Variants in BCO1 observed in about 807,000 individuals in gnomAD.
BCO1 encodes beta,beta-carotene 15,15'-dioxygenase.
BCO1 carries 54 observed loss-of-function variants against 56.3 expected under a neutral mutation model. The ratio of observed to expected loss-of-function variants is 0.96; its 90% confidence interval spans 0.77 to 1.20. The LOEUF is 1.20. Ranked by LOEUF, BCO1 falls within the 50% of genes most tolerant of loss-of-function variation. The probability of loss-of-function intolerance (pLI) is 0.00; values close to 1 mark genes in which losing one functional copy is unlikely to be tolerated. For missense variants in BCO1, 801 were observed against 690.9 expected (o/e 1.16, Z -1.79); for synonymous variants, 318 against 266.1 (o/e 1.20, Z -1.90).
At chr16:81,245,849 CTTTTTTTTTTTTT>C (rs1176582576) in intron 2 of BCO1, among the ~76,000 whole-genome samples, 37 of 93,368 alleles carry the variant, frequency 4.0e-4, no homozygotes, top group African/African-American at 4.9e-4. Flanking sequence ...CCATCTCTGT[CTTTTTTTTTTTTT>C]TTTTTTTTTT....
chr16:81,240,754 A>G (rs980211903), intron 1 of BCO1, among the ~76,000 whole-genome samples: 4 of 152,004 alleles, frequency 2.6e-5, no homozygotes, highest in African/African-American at 4.8e-5. Flanking sequence ...CCAACCTGGT[A>G]TGGTGAAACA....
chr16:81,290,610 C>T lies in BCO1; in HGVS notation c.*33C>T, dbSNP rs761030958. 7.8e-5 allele frequency: 120 copies of T among 1,542,068 alleles called. No homozygotes were observed. Among genetic ancestry groups the T allele is most frequent in the Non-Finnish European group, 1.0e-4 (115 of 1,122,038 alleles). ...GGGGTTTGGGTAGGGGAGGGGAGCTCGGCTGTCAGAACTCCATGGATATGT... is the reference window on the plus strand; with the variant it reads ...GGGGTTTGGGTAGGGGAGGGGAGCTTGGCTGTCAGAACTCCATGGATATGT... On this transcript the variant is annotated 3_prime_UTR_variant, in exon 11 of 11. Transcript: ENST00000258168.
chr16:81,281,623 G>A (rs1259285613), intron 8 of BCO1, among the ~76,000 whole-genome samples: 3 of 152,178 alleles, frequency 2.0e-5, no homozygotes, highest in Non-Finnish European at 2.9e-5. Context: ...GTAATATAGC[G>A]AAGAAAACTA....
At chr16:81,268,190 T>C (rs1906955064) in intron 6 of BCO1, 59 bp downstream of exon 6, 2 of 1,496,260 alleles carry the variant, frequency 1.3e-6, no homozygotes, top group Admixed American at 3.4e-5. Flanking sequence ...GGGAGGCTGG[T>C]GTGCAGGAGG....
chr16:81,272,145 G>A (rs1349365270), intron 7 of BCO1, among the ~76,000 whole-genome samples: 7 of 129,554 alleles, frequency 5.4e-5, no homozygotes, highest in Admixed American at 2.7e-4. Context: ...AAGGAGTCTC[G>A]CTCTGTGGCC....
intron 3 of BCO1, among the ~76,000 whole-genome samples, chr16:81,260,540 C>T (rs1906420221): frequency 6.6e-6 from 1 of 152,076 alleles, no homozygotes; most frequent in Non-Finnish European, 1.5e-5. Flanking sequence ...TGGAGTTTCA[C>T]TCTTCTTGTC....
intron 2 of BCO1, among the ~76,000 whole-genome samples, chr16:81,249,031 G>C (rs1014316447): frequency 4.0e-5 from 6 of 151,430 alleles, no homozygotes; most frequent in Admixed American, 3.9e-4. Flanking sequence ...AGCACCAGTG[G>C]TTTTCCTTCC....
chr16:81,244,668 G>A (rs1378776068), intron 1 of BCO1, among the ~76,000 whole-genome samples: 5 of 150,102 alleles, frequency 3.3e-5, no homozygotes, highest in African/African-American at 1.2e-4. Context: ...CCCGAGGGCT[G>A]TTCTGTTTCA....
intron 4 of BCO1, chr16:81,263,814 G>C (rs1453908939): frequency 1.3e-5 from 2 of 152,216 alleles, no homozygotes; most frequent in African/African-American, 2.4e-5. Context: ...TCAAAATTCC[G>C]ATGTCTCTGC....
chr16:81,280,867 T>A lies in BCO1; in HGVS notation c.1112T>A (p.Val371Glu). 1 of 1,613,456 alleles carries A rather than the reference T, an allele frequency of 6.2e-7. No individual in the cohort carries two copies. ...ACTGAATTTTTTCAGAATGCAGAAGTGGGCACAAATTTAATCAAAGTGGCA... is the reference window on the plus strand; with the variant it reads ...ACTGAATTTTTTCAGAATGCAGAAGAGGGCACAAATTTAATCAAAGTGGCA... ...VPLHVDKNAE[V>E]GTNLIKVAST... Residue 371 changes from valine (V) to glutamate (E), a missense_variant, in exon 8 of 11, where the codon GTG becomes GAG. Val to Glu is a moderately radical substitution (Grantham distance 121, BLOSUM62 -2). Coordinates refer to ENST00000258168, the MANE Select transcript of BCO1 (RefSeq NM_017429.3).
intron 7 of BCO1, among the ~76,000 whole-genome samples, chr16:81,272,604 C>A (rs1907303133): frequency 6.6e-6 from 1 of 152,040 alleles, no homozygotes; most frequent in African/African-American, 2.4e-5. Flanking sequence ...CAGACATTAT[C>A]CCCAATTAGG....
At chr16:81,285,516 A>G in intron 8 of BCO1, 24 bp from the exon 9 acceptor site, 16 of 1,559,136 alleles carry the variant, frequency 1.0e-5, no homozygotes, top group Non-Finnish European at 1.4e-5. Flanking sequence ...TAGGGGCTTC[A>G]TCCACCTCCT....
chr16:81,242,270 G>A (rs774739217), intron 1 of BCO1, among the ~76,000 whole-genome samples: 11 of 145,040 alleles, frequency 7.6e-5, no homozygotes, highest in Non-Finnish European at 1.5e-4. Flanking sequence ...CGCAATCTTC[G>A]GCTCACTGCA....
chr16:81,265,919 T>A (rs961456905), intron 5 of BCO1, among the ~76,000 whole-genome samples: 5 of 150,994 alleles, frequency 3.3e-5, no homozygotes. Context: ...CCATCTACCA[T>A]GTGCATCTAC....
intron 2 of BCO1, among the ~76,000 whole-genome samples, chr16:81,256,108 G>A (rs566204824): frequency 2.7e-5 from 4 of 150,774 alleles, no homozygotes; most frequent in African/African-American, 7.3e-5. Flanking sequence ...GAGGCACTGC[G>A]CATGGCCGAT....
intron 5 of BCO1, among the ~76,000 whole-genome samples, chr16:81,266,024 C>G (rs1054642934): frequency 7.9e-5 from 12 of 151,626 alleles, no homozygotes; most frequent in Non-Finnish European, 1.5e-4. Context: ...CATGCACCCA[C>G]CCACCCACCT....
At chr16:81,275,503 A>G (rs967640596) in intron 7 of BCO1, among the ~76,000 whole-genome samples, 5 of 152,328 alleles carry the variant, frequency 3.3e-5, no homozygotes, top group South Asian at 2.1e-4. Context: ...GTCAACATTT[A>G]TCTCAAGTGT....
In BCO1 at chr16:81,238,725, C is replaced by G. The variant is rs1412380420; in HGVS notation, c.-184C>G. 3.0e-6 allele frequency: 2 copies of G among 665,110 alleles called. No homozygotes were observed. The highest frequency in any genetic ancestry group is 5.5e-6 in the Non-Finnish European group (2 of 361,926). 41.2% of individuals were successfully genotyped at this position (665,110 alleles called of 1,614,324 possible). ...GAGATCCAGGGCTCTTGGAGAGGGA[C>G]AAGTGAGAGCCAGCCAAAAAGGAAA... On this transcript the variant is annotated 5_prime_UTR_variant, in exon 1 of 11. Transcript: ENST00000258168.
At chr16:81,260,426 G>C (rs962533808) in intron 3 of BCO1, among the ~76,000 whole-genome samples, 2 of 152,124 alleles carry the variant, frequency 1.3e-5, no homozygotes, top group African/African-American at 4.8e-5. Context: ...AACTAGGAAA[G>C]GATGCACAGG....
Sources: gnomAD v4.1 joint callset for allele counts (sites outside exome capture counted in the v4.1 genomes callset) on GRCh38, gnomAD v4.1.1 for gene constraint, MANE v1.5 for transcripts, NCBI Gene and HGNC (gene_info 2026-07-23, HGNC 2026-07-21) for gene names.